COL10A1: variants seen among roughly 807,000 people sequenced by gnomAD.
The protein encoded by COL10A1 is collagen type X alpha 1 chain.
In COL10A1, 10 loss-of-function variants were observed where a neutral mutation model predicts 18.2. That is an observed-to-expected ratio of 0.55 (90% confidence interval 0.34 to 0.93). The LOEUF (loss-of-function observed/expected upper bound fraction) is 0.93, where lower values mean the gene tolerates loss of function less well. Among genes scored for constraint, COL10A1 ranks in the 40% least tolerant of loss-of-function variants. COL10A1 has a pLI of 0.02. For synonymous variants in COL10A1, 330 were observed against 316.6 expected, an observed-to-expected ratio of 1.04 and a Z score of -0.45; for missense variants, 897 against 853.5, an observed-to-expected ratio of 1.05 and a Z score of -0.64.
rs938441824 is a variant in COL10A1 at position 116,119,920 on chromosome 6, G to T, written c.*153C>A. ...TTTTTACGTTGCTGCTCACTTTTCAGGGGGAAGGTTTGTTGGTCTGATAGC... is the reference window on the plus strand; with the variant it reads ...TTTTTACGTTGCTGCTCACTTTTCATGGGGAAGGTTTGTTGGTCTGATAGC... On this transcript the variant is annotated 3_prime_UTR_variant, in exon 3 of 3. Coordinates refer to ENST00000651968, the MANE Select transcript of COL10A1 (RefSeq NM_000493.4). The T allele has an allele frequency of 8.2e-6, 6 of 734,894 alleles. No homozygotes were observed. The highest frequency in any genetic ancestry group is 1.4e-5 in the Non-Finnish European group (6 of 432,586). 45.5% of individuals were successfully genotyped at this position (734,894 alleles called of 1,614,324 possible).
At chr6:116,192,517 GTTTCTGTTAAGT>G in the COL10A1 span, among the ~76,000 whole-genome samples, 1 of 151,894 alleles carries the variant, frequency 6.6e-6, no homozygotes, top group Admixed American at 6.6e-5. Context: ...TGGATTCTGT[GTTTCTGTTAAGT>G]AGGTATTGTT....
chr6:116,148,539 A>T (rs931435096), intron 1 of COL10A1, among the ~76,000 whole-genome samples: 1 of 152,156 alleles, frequency 6.6e-6, no homozygotes, highest in Non-Finnish European at 1.5e-5. Flanking sequence ...GTTGATTTTC[A>T]TTGTACTCAG....
At chr6:116,155,264 TCTCCAGACTG>T (rs1407771552) in intron 1 of COL10A1, among the ~76,000 whole-genome samples, 2 of 152,168 alleles carry the variant, frequency 1.3e-5, no homozygotes, top group East Asian at 3.8e-4. Context: ...TTTCCTAATG[TCTCCAGACTG>T]CTCCAGATAT....
chr6:116,212,141 ACT>A, the COL10A1 span, among the ~76,000 whole-genome samples: 16 of 152,202 alleles, frequency 1.1e-4, no homozygotes, highest in African/African-American at 2.2e-4. Flanking sequence ...AAAGTTAATA[ACT>A]CTGTCAAAAC....
chr6:116,172,157 A>G, the COL10A1 span, among the ~76,000 whole-genome samples: 20 of 152,254 alleles, frequency 1.3e-4, no homozygotes, highest in Middle Eastern at 3.4e-3. Context: ...ACCCTTTCCT[A>G]AGTGATACAA....
the COL10A1 span, among the ~76,000 whole-genome samples, chr6:116,213,357 A>G: frequency 3.9e-5 from 6 of 152,052 alleles, no homozygotes; most frequent in African/African-American, 1.4e-4. Context: ...CATCTAACCT[A>G]TTCCTCACAG....
chr6:116,133,983 T>G (rs898663551), intron 1 of COL10A1, among the ~76,000 whole-genome samples: 3 of 152,236 alleles, frequency 2.0e-5, no homozygotes, highest in Admixed American at 6.5e-5. Flanking sequence ...TAATAACTTA[T>G]GAGTCAAAAA....
the COL10A1 span, among the ~76,000 whole-genome samples, chr6:116,185,655 GT>G: frequency 6.6e-6 from 1 of 152,096 alleles, no homozygotes; most frequent in Admixed American, 6.6e-5. Context: ...TTGCTTTAAA[GT>G]TTGTTTTGTC....
At chr6:116,155,087 T>G (rs1359334642) in intron 1 of COL10A1, among the ~76,000 whole-genome samples, 2 of 152,162 alleles carry the variant, frequency 1.3e-5, no homozygotes, top group Non-Finnish European at 2.9e-5. Context: ...GGTGCAAAAG[T>G]AATTGCGGTT....
At chr6:116,166,857 T>C in the COL10A1 span, among the ~76,000 whole-genome samples, 1 of 152,200 alleles carries the variant, frequency 6.6e-6, no homozygotes, top group Non-Finnish European at 1.5e-5. Flanking sequence ...AATTCTGAAA[T>C]GTCTGGAATC....
intron 1 of COL10A1, among the ~76,000 whole-genome samples, chr6:116,135,858 TATATATATATATATAC>T (rs1448240741): frequency 8.5e-5 from 10 of 117,736 alleles, no homozygotes; most frequent in South Asian, 4.7e-4. Flanking sequence ...TATATATATA[TATATATATATATATAC>T]ACACATACAC....
At chr6:116,202,042 G>C in the COL10A1 span, among the ~76,000 whole-genome samples, 2 of 151,992 alleles carry the variant, frequency 1.3e-5, no homozygotes, top group African/African-American at 4.8e-5. Flanking sequence ...CAGTGTGGTA[G>C]CCATTAACCA....
the COL10A1 span, among the ~76,000 whole-genome samples, chr6:116,207,509 G>A: frequency 6.6e-6 from 1 of 151,618 alleles, no homozygotes. Flanking sequence ...TTAATTTTTG[G>A]TTTAAAAAGT....
At chr6:116,191,516 A>C in the COL10A1 span, among the ~76,000 whole-genome samples, 1 of 152,076 alleles carries the variant, frequency 6.6e-6, no homozygotes, top group African/African-American at 2.4e-5. Context: ...AGCCTTCAAC[A>C]ATCACTGTCT....
the COL10A1 span, among the ~76,000 whole-genome samples, chr6:116,207,008 AAAAT>A: frequency 1.3e-5 from 2 of 150,904 alleles, no homozygotes; most frequent in East Asian, 1.9e-4. Flanking sequence ...TTTCCTTTTA[AAAAT>A]AAATAGTCTG....
the COL10A1 span, among the ~76,000 whole-genome samples, chr6:116,199,523 A>T: frequency 6.6e-6 from 1 of 152,096 alleles, no homozygotes; most frequent in African/African-American, 2.4e-5. Context: ...CAAAGAAGTC[A>T]CCTAGCACTC....
upstream of COL10A1, among the ~76,000 whole-genome samples, chr6:116,161,473 A>G (rs995040641): frequency 2.0e-5 from 3 of 151,964 alleles, no homozygotes; most frequent in Non-Finnish European, 4.4e-5. Context: ...CAGCTTTCCC[A>G]GCAGTATTTA....
At chr6:116,180,413 G>C in the COL10A1 span, among the ~76,000 whole-genome samples, 1 of 152,138 alleles carries the variant, frequency 6.6e-6, no homozygotes, top group Admixed American at 6.5e-5. Context: ...GAATTGATAT[G>C]TCACACTTTA....
the COL10A1 span, among the ~76,000 whole-genome samples, chr6:116,193,141 T>G: frequency 3.9e-5 from 6 of 152,080 alleles, no homozygotes; most frequent in Non-Finnish European, 8.8e-5. Context: ...GACTATTCAG[T>G]TTGTTATTAG....
Sources: gnomAD v4.1 joint callset for allele counts (sites outside exome capture counted in the v4.1 genomes callset) on GRCh38, gnomAD v4.1.1 for gene constraint, MANE v1.5 for transcripts, NCBI Gene and HGNC (gene_info 2026-07-23, HGNC 2026-07-21) for gene names.